Variants in RANBP2 observed in about 807,000 individuals in gnomAD.
RANBP2 encodes E3 SUMO-protein ligase RanBP2.
Under a neutral mutation model 303.6 loss-of-function variants are expected in RANBP2, and 57 were observed. The ratio of observed to expected loss-of-function variants is 0.19; its 90% CI spans 0.15 to 0.23. The LOEUF is 0.23. RANBP2 is among the 10% of genes least tolerant of loss of function. The pLI is 1.00. For synonymous variants in RANBP2, 1,167 were observed against 1,301.5 expected (o/e 0.90, Z 2.23); for missense variants, 3,138 against 3,780.8 (o/e 0.83, Z 4.46).
chr2:108,821,506 AC>A, the RANBP2 span, among the ~76,000 whole-genome samples: 3 of 152,246 alleles, frequency 2.0e-5, no homozygotes, highest in African/African-American at 7.2e-5. Context: ...GAAAATACTT[AC>A]AGAATATACA....
At chr2:109,496,908 A>G in the RANBP2 span, among the ~76,000 whole-genome samples, 2 of 152,186 alleles carry the variant, frequency 1.3e-5, no homozygotes, top group Admixed American at 1.3e-4. Context: ...AGAGAGAGGC[A>G]GAGGAGAAGG....
chr2:108,928,337 A>G, the RANBP2 span, among the ~76,000 whole-genome samples: 7 of 151,592 alleles, frequency 4.6e-5, no homozygotes, highest in Non-Finnish European at 7.4e-5. Flanking sequence ...TGCTGACACT[A>G]CCTCCCCAGC....
At chr2:108,888,844 G>T in the RANBP2 span, among the ~76,000 whole-genome samples, 1 of 151,118 alleles carries the variant, frequency 6.6e-6, no homozygotes. Context: ...GTCTATTTTT[G>T]GGCTTGGTTT....
At chr2:109,003,205 CAAAAAAA>C in the RANBP2 span, among the ~76,000 whole-genome samples, 1 of 45,432 alleles carries the variant, frequency 2.2e-5, no homozygotes, top group African/African-American at 8.1e-5. Flanking sequence ...GTCTCCCTCT[CAAAAAAA>C]AAAAAAAAAA....
At chr2:109,446,343 T>G in the RANBP2 span, among the ~76,000 whole-genome samples, 6 of 152,194 alleles carry the variant, frequency 3.9e-5, no homozygotes, top group Non-Finnish European at 4.4e-5. Context: ...CAGGGACCAT[T>G]GCGGGCGTTA....
chr2:109,721,513 G>T, the RANBP2 span, among the ~76,000 whole-genome samples: 3 of 152,128 alleles, frequency 2.0e-5, no homozygotes, highest in Non-Finnish European at 4.4e-5. Context: ...CGCTCAGAAG[G>T]TGCCTTTTAC....
At chr2:108,744,275 G>A (rs1360078908) in intron 7 of RANBP2, among the ~76,000 whole-genome samples, 42 of 152,164 alleles carry the variant, frequency 2.8e-4, no homozygotes, top group Admixed American at 1.8e-3. Flanking sequence ...ATGGTGGCGG[G>A]TGCCTGTAAT....
the RANBP2 span, among the ~76,000 whole-genome samples, chr2:108,970,616 G>A: frequency 6.6e-6 from 1 of 152,226 alleles, no homozygotes; most frequent in African/African-American, 2.4e-5. Context: ...GGGGACCAAG[G>A]TCTAAGGTTG....
the RANBP2 span, among the ~76,000 whole-genome samples, chr2:109,280,143 C>A: frequency 6.6e-6 from 1 of 152,168 alleles, no homozygotes; most frequent in Non-Finnish European, 1.5e-5. Context: ...TGCTGCAATG[C>A]TGTCAGAATC....
At chr2:109,007,406 C>T in the RANBP2 span, among the ~76,000 whole-genome samples, 2 of 152,240 alleles carry the variant, frequency 1.3e-5, no homozygotes, top group Non-Finnish European at 2.9e-5. Flanking sequence ...TGGGAACACT[C>T]TTCCTGGCTA....
the RANBP2 span, chr2:108,839,063 TG>T: frequency 9.4e-7 from 1 of 1,058,520 alleles, no homozygotes; most frequent in Non-Finnish European, 1.3e-6. Context: ...GAAGGTTTTT[TG>T]TTGGAGAACT....
chr2:109,213,187 C>G, the RANBP2 span, among the ~76,000 whole-genome samples: 8 of 152,224 alleles, frequency 5.3e-5, no homozygotes, highest in Non-Finnish European at 8.8e-5. Context: ...TGCTTATTCT[C>G]TTCCTTGGCA....
the RANBP2 span, among the ~76,000 whole-genome samples, chr2:109,403,902 A>G: frequency 6.6e-6 from 1 of 152,144 alleles, no homozygotes; most frequent in Non-Finnish European, 1.5e-5. Context: ...GGCCACTGTG[A>G]GGGTGGAGTG....
the RANBP2 span, among the ~76,000 whole-genome samples, chr2:109,401,126 G>A: frequency 6.6e-6 from 1 of 152,160 alleles, no homozygotes; most frequent in Non-Finnish European, 1.5e-5. Context: ...CCTTGACACC[G>A]GGCAGGTTGT....
the RANBP2 span, among the ~76,000 whole-genome samples, chr2:109,292,775 C>G: frequency 1.3e-5 from 2 of 152,158 alleles, no homozygotes; most frequent in African/African-American, 4.8e-5. Flanking sequence ...TCTTGTTGCC[C>G]AGGCTGGAGT....
At chr2:109,129,452 C>T in the RANBP2 span, 8 of 1,494,578 alleles carry the variant, frequency 5.4e-6, no homozygotes, top group Admixed American at 2.1e-5. Context: ...AGCCCGGCTC[C>T]CCAGTCCTGA....
chr2:109,633,332 G>A, the RANBP2 span, among the ~76,000 whole-genome samples: 1 of 152,174 alleles, frequency 6.6e-6, no homozygotes, highest in Admixed American at 6.5e-5. Flanking sequence ...GGTGGAGGTT[G>A]CAGTGAGCTG....
At chr2:109,560,216 G>A in the RANBP2 span, among the ~76,000 whole-genome samples, 1 of 152,170 alleles carries the variant, frequency 6.6e-6, no homozygotes, top group African/African-American at 2.4e-5. Flanking sequence ...CACCGGGCCT[G>A]GCCCCAACCA....
chr2:109,528,570 G>A, the RANBP2 span, among the ~76,000 whole-genome samples: 2 of 151,136 alleles, frequency 1.3e-5, no homozygotes, highest in African/African-American at 5.0e-5. Context: ...TGGCAACTCT[G>A]AGGAGGTGGG....
Sources: allele counts gnomAD v4.1 joint callset (sites outside exome capture counted in the v4.1 genomes callset), GRCh38; gene constraint gnomAD v4.1.1; transcripts MANE v1.5; gene names NCBI Gene and HGNC (gene_info 2026-07-23, HGNC 2026-07-21).